The following SCFD2 variants were observed in gnomAD, a reference collection of about 807,000 sequenced individuals.
SCFD2 encodes sec1 family domain-containing protein 2.
SCFD2 carries 54 observed loss-of-function variants against 58.9 expected under a neutral mutation model. The observed-to-expected ratio is 0.92, with a 90% confidence interval of 0.74 to 1.15. The LOEUF (loss-of-function observed/expected upper bound fraction) is 1.15. SCFD2 is among the 50% of genes most tolerant of loss of function. The pLI is 0.00. For missense variants in SCFD2, 805 were observed against 836.6 expected (o/e 0.96, Z 0.47); for synonymous variants, 321 against 335.9 (o/e 0.96, Z 0.49).
intron 5 of SCFD2, among the ~76,000 whole-genome samples, chr4:52,989,228 A>C (rs1387888116): frequency 1.3e-5 from 2 of 152,162 alleles, no homozygotes; most frequent in Non-Finnish European, 2.9e-5. Context: ...TTCTGTGACT[A>C]ATTTGTGGAT....
At chr4:52,907,650 G>A in intron 6 of SCFD2, 59 bp from the exon 7 acceptor site, 1 of 1,545,540 alleles carries the variant, frequency 6.5e-7, no homozygotes, top group Non-Finnish European at 8.9e-7. Context: ...AGAGAGGACA[G>A]CTTTATCTGC....
intron 5 of SCFD2, among the ~76,000 whole-genome samples, chr4:53,057,200 G>T (rs181668121): frequency 3.9e-5 from 6 of 152,046 alleles, no homozygotes; most frequent in Admixed American, 6.6e-5. Flanking sequence ...TACTATAAAG[G>T]CACTGCACAC....
chr4:53,074,941 G>C (rs747237823), intron 5 of SCFD2, among the ~76,000 whole-genome samples: 23 of 152,162 alleles, frequency 1.5e-4, no homozygotes, highest in Non-Finnish European at 2.9e-4. Context: ...TTGAAAGAGA[G>C]CCATCCTGTC....
chr4:53,105,605 G>A (rs572310039), intron 5 of SCFD2, among the ~76,000 whole-genome samples: 5 of 152,298 alleles, frequency 3.3e-5, no homozygotes, highest in South Asian at 2.1e-4. Context: ...CTGCAGCTCC[G>A]CAAAGCCGCA....
intron 4 of SCFD2, among the ~76,000 whole-genome samples, chr4:53,260,078 C>T (rs1371587086): frequency 1.3e-5 from 2 of 151,466 alleles, no homozygotes; most frequent in Non-Finnish European, 2.9e-5. Context: ...GCATTAATTT[C>T]ATATCCTGAA....
chr4:53,099,704 T>C (rs1724775491), intron 5 of SCFD2, among the ~76,000 whole-genome samples: 1 of 152,132 alleles, frequency 6.6e-6, no homozygotes, highest in South Asian at 2.1e-4. Flanking sequence ...GAGCAAGTAC[T>C]TACTCCCCCT....
chr4:53,278,358 TA>T lies in SCFD2; in HGVS notation c.1136-4358del, dbSNP rs771974130. ...TGGGAGGCAGAGAGAGACTCCATCT[TA>T]AAAAAAAAAAAAAAGAAAAAAGAAA... On this transcript the variant is annotated intron_variant, in intron 3 of 8. Coordinates refer to ENST00000401642, the MANE Select transcript of SCFD2 (RefSeq NM_152540.4). Among the ~76,000 whole-genome samples the T allele has an allele frequency of 4.0e-3, 487 of 122,064 alleles. 3 individuals carry two copies. Among genetic ancestry groups the T allele is most frequent in the Admixed American group, 5.2e-3 (62 of 11,810 alleles). The allele number at this position is 122,064 out of a possible 152,430, so 80.1% of individuals were successfully genotyped here.
chr4:53,162,844 TATA>T lies in SCFD2; in HGVS notation c.1312-17265_1312-17263del, dbSNP rs956119302. 2.1e-4 allele frequency among the ~76,000 whole-genome samples: 31 copies of T among 150,944 alleles called. No individual in the cohort carries two copies. In the East Asian group the frequency reaches 5.4e-3, roughly 26 times the overall value. ...CGCACATGTACCCTAAAACTTAAAG[TATA>T]ATAATAATAAAATAAAATAAAATAA... On this transcript the variant is annotated intron_variant, in intron 4 of 8. Coordinates refer to ENST00000401642, the MANE Select transcript of SCFD2 (RefSeq NM_152540.4).
rs139135693 is a variant in SCFD2 at position 52,929,247 on chromosome 4, T to C, written c.1562-8377A>G. Among the ~76,000 whole-genome samples the C allele has an allele frequency of 1.2e-3, 177 of 152,274 alleles. 1 individual carries two copies. The Middle Eastern group carries it at 0.014, about 12-fold the overall frequency. On this transcript the variant is annotated intron_variant, in intron 5 of 8. Transcript: ENST00000401642. ...TTCATCTGGAGGTAGGTAAGCAAAG[T>C]GCCAGGATAGGGTGGTGGATTCATG...
intron 7 of SCFD2, among the ~76,000 whole-genome samples, chr4:52,901,030 G>A (rs1474348135): frequency 6.6e-6 from 1 of 152,174 alleles, no homozygotes; most frequent in African/African-American, 2.4e-5. Context: ...GATTTTCCAG[G>A]TGCTGTCTGT....
chr4:53,159,482 AG>A (rs1252655955), intron 4 of SCFD2, among the ~76,000 whole-genome samples: 1 of 152,192 alleles, frequency 6.6e-6, no homozygotes, highest in African/African-American at 2.4e-5. Flanking sequence ...GATTATGACA[AG>A]GATTCTGACT....
At chr4:53,176,362 A>G (rs976675157) in intron 4 of SCFD2, among the ~76,000 whole-genome samples, 5 of 152,128 alleles carry the variant, frequency 3.3e-5, no homozygotes, top group African/African-American at 4.8e-5. Flanking sequence ...GTTGAAACAC[A>G]TAACTGAAAC....
At chr4:53,338,306 G>C (rs1733743892) in intron 2 of SCFD2, among the ~76,000 whole-genome samples, 1 of 152,142 alleles carries the variant, frequency 6.6e-6, no homozygotes, top group African/African-American at 2.4e-5. Context: ...TACTTAAAAA[G>C]TACTGGAAGA....
intron 4 of SCFD2, among the ~76,000 whole-genome samples, chr4:53,206,708 G>A (rs1295734177): frequency 1.3e-5 from 2 of 151,970 alleles, no homozygotes; most frequent in Admixed American, 6.5e-5. Context: ...TAATGGTCAT[G>A]GAACAATTAT....
At chr4:53,124,582 A>C (rs1259412163) in intron 5 of SCFD2, among the ~76,000 whole-genome samples, 1 of 152,212 alleles carries the variant, frequency 6.6e-6, no homozygotes, top group Non-Finnish European at 1.5e-5. Context: ...GGGATTAGAG[A>C]AGAAAGTCCA....
intron 5 of SCFD2, among the ~76,000 whole-genome samples, chr4:53,036,679 G>A (rs1364453812): frequency 2.6e-5 from 4 of 151,822 alleles, no homozygotes; most frequent in Non-Finnish European, 4.4e-5. Flanking sequence ...AACATCACAC[G>A]CCGGGGCCTG....
intron 5 of SCFD2, among the ~76,000 whole-genome samples, chr4:52,930,959 G>A (rs1376999703): frequency 6.6e-5 from 10 of 152,064 alleles, no homozygotes; most frequent in African/African-American, 1.4e-4. Context: ...ACAGCGTTTC[G>A]ACTTTGGGAC....
At chr4:53,274,827 T>C (rs1462355610) in intron 3 of SCFD2, among the ~76,000 whole-genome samples, 1 of 152,172 alleles carries the variant, frequency 6.6e-6, no homozygotes, top group African/African-American at 2.4e-5. Context: ...CGCAAAGCTC[T>C]TGGACATCGG....
intron 8 of SCFD2, among the ~76,000 whole-genome samples, chr4:52,876,756 G>GAAAAAAAAAAAAAAAAAAAAAAAAAAAAA (rs761229349): frequency 1.8e-5 from 1 of 54,394 alleles, no homozygotes; most frequent in African/African-American, 7.1e-5. Flanking sequence ...TCTCTGTCTC[G>GAAAAAAAAAAAAAAAAAAAAAAAAAAAAA]AAAAAAAAAA....
Sources: gnomAD v4.1 joint callset for allele counts (sites outside exome capture counted in the v4.1 genomes callset) on GRCh38, gnomAD v4.1.1 for gene constraint, MANE v1.5 for transcripts, NCBI Gene and HGNC (gene_info 2026-07-23, HGNC 2026-07-21) for gene names.